Variants in ANO3 observed in about 807,000 individuals in gnomAD.
The protein encoded by ANO3 is anoctamin-3.
A neutral mutation model predicts 144.8 loss-of-function variants in ANO3; 99 were observed. That is an observed-to-expected ratio of 0.68 (90% CI 0.58 to 0.81). The LOEUF (loss-of-function observed/expected upper bound fraction) is 0.81. ANO3 is among the 30% of genes least tolerant of loss of function. The pLI, the probability that ANO3 is intolerant of heterozygous loss-of-function variation, is 0.00. For synonymous variants in ANO3, 414 were observed against 392.6 expected, an observed-to-expected ratio of 1.05 and a Z score of -0.64; for missense variants, 905 against 1,202.2, an observed-to-expected ratio of 0.75 and a Z score of 3.66.
intron 1 of ANO3, among the ~76,000 whole-genome samples, chr11:26,391,108 G>C (rs1470014225): frequency 6.6e-6 from 1 of 151,742 alleles, no homozygotes; most frequent in African/African-American, 2.4e-5. Context: ...GGACATTTAC[G>C]AATTAAAAAA....
chr11:26,369,015 T>G (rs1255743804), intron 1 of ANO3, among the ~76,000 whole-genome samples: 2 of 152,128 alleles, frequency 1.3e-5, no homozygotes, highest in Non-Finnish European at 2.9e-5. Flanking sequence ...GGCAATTTCA[T>G]TCCCCCCCAG....
intron 1 of ANO3, among the ~76,000 whole-genome samples, chr11:26,295,883 G>T (rs1854078879): frequency 6.6e-6 from 1 of 152,106 alleles, no homozygotes; most frequent in Non-Finnish European, 1.5e-5. Flanking sequence ...TCATGGAAAT[G>T]TCTCCTTTCT....
chr11:26,397,031 T>A (rs1341572537), intron 1 of ANO3, among the ~76,000 whole-genome samples: 1 of 132,560 alleles, frequency 7.5e-6, no homozygotes, highest in Non-Finnish European at 1.7e-5. Context: ...TAAAATGGAT[T>A]ATTCCCTGCA....
intron 1 of ANO3, among the ~76,000 whole-genome samples, chr11:26,367,471 A>G (rs1214464193): frequency 1.3e-5 from 2 of 151,944 alleles, no homozygotes; most frequent in East Asian, 1.9e-4. Context: ...CAACTATTTA[A>G]TCACCCTCCG....
intron 1 of ANO3, among the ~76,000 whole-genome samples, chr11:26,348,260 T>C (rs1187045376): frequency 2.0e-5 from 3 of 152,202 alleles, no homozygotes; most frequent in Non-Finnish European, 4.4e-5. Flanking sequence ...GCATAACTTA[T>C]AACCACAACA....
intron 1 of ANO3, among the ~76,000 whole-genome samples, chr11:26,268,936 T>G (rs1484229042): frequency 6.6e-6 from 1 of 152,122 alleles, no homozygotes; most frequent in Non-Finnish European, 1.5e-5. Context: ...TCACTCCACA[T>G]GTACAAATAT....
chr11:26,232,886 G>A (rs894424171), intron 1 of ANO3, among the ~76,000 whole-genome samples: 4 of 152,126 alleles, frequency 2.6e-5, no homozygotes, highest in Non-Finnish European at 5.9e-5. Flanking sequence ...CTACCCATCT[G>A]ACAAAGGGCT....
chr11:26,263,530 C>A (rs1055513015), intron 1 of ANO3, among the ~76,000 whole-genome samples: 6 of 152,204 alleles, frequency 3.9e-5, no homozygotes, highest in African/African-American at 1.4e-4. Flanking sequence ...GCTTCGCCAT[C>A]TCCTGCCTAG....
At position 26,516,944 on chromosome 11, in the gene ANO3, C is replaced by T; in HGVS notation, c.692+17C>T. The T allele has an allele frequency of 6.6e-7, 1 of 1,507,212 alleles. No individual in the cohort carries two copies. Among genetic ancestry groups the T allele is most frequent in the Non-Finnish European group, 9.2e-7 (1 of 1,087,996 alleles). The allele number at this position is 1,507,212 out of a possible 1,614,324, so 93.4% of individuals were successfully genotyped here. A position where few individuals can be genotyped will look rare whatever the true frequency, so the allele number is the denominator to read the frequency against. ...GCCCTTCAGGTACTTTCAAATTTTACTTTATTTTATCTCAATATATATTAA... is the reference window on the plus strand; with the variant it reads ...GCCCTTCAGGTACTTTCAAATTTTATTTTATTTTATCTCAATATATATTAA... On this transcript the variant is annotated intron_variant, in intron 6 of 26. Coordinates refer to ENST00000256737, the MANE Select transcript of ANO3 (RefSeq NM_031418.4).
intron 13 of ANO3, chr11:26,558,978 C>G (rs953088898): frequency 3.3e-5 from 5 of 152,032 alleles, no homozygotes; most frequent in Non-Finnish European, 7.4e-5. Flanking sequence ...TTTAATTTCT[C>G]TCACTAAGTT....
intron 4 of ANO3, among the ~76,000 whole-genome samples, chr11:26,506,956 G>A (rs1342881484): frequency 6.6e-6 from 1 of 152,234 alleles, no homozygotes; most frequent in Non-Finnish European, 1.5e-5. Flanking sequence ...TATCTCCCCA[G>A]ACATTGGAAA....
intron 1 of ANO3, among the ~76,000 whole-genome samples, chr11:26,337,813 T>G (rs1393969964): frequency 6.6e-6 from 1 of 152,086 alleles, no homozygotes; most frequent in Non-Finnish European, 1.5e-5. Context: ...CGGGCACCTG[T>G]AATCCCAGCT....
chr11:26,247,051 C>T (rs575932335), intron 1 of ANO3, among the ~76,000 whole-genome samples: 2 of 152,254 alleles, frequency 1.3e-5, no homozygotes, highest in African/African-American at 4.8e-5. Flanking sequence ...TATTTTCTTA[C>T]AGTTTTAAAT....
intron 17 of ANO3, among the ~76,000 whole-genome samples, chr11:26,618,952 A>G (rs934500386): frequency 6.6e-6 from 1 of 152,162 alleles, no homozygotes; most frequent in Non-Finnish European, 1.5e-5. Flanking sequence ...GGACATGTCA[A>G]TTATTCCTCC....
At chr11:26,629,707 C>T (rs547895973) in intron 18 of ANO3, among the ~76,000 whole-genome samples, 1 of 152,234 alleles carries the variant, frequency 6.6e-6, no homozygotes, top group African/African-American at 2.4e-5. Context: ...TCTCGACTCA[C>T]CGCAACCTCC....
intron 14 of ANO3, among the ~76,000 whole-genome samples, chr11:26,596,606 C>G (rs1191570471): frequency 6.6e-6 from 1 of 152,118 alleles, no homozygotes; most frequent in African/African-American, 2.4e-5. Flanking sequence ...CCTTAGATCC[C>G]TTTGGAGATA....
intron 14 of ANO3, among the ~76,000 whole-genome samples, chr11:26,585,890 T>C (rs1376204684): frequency 6.6e-6 from 1 of 152,190 alleles, no homozygotes; most frequent in African/African-American, 2.4e-5. Context: ...AGATTTTTAT[T>C]GACTGTTAAG....
At chr11:26,607,038 G>T (rs1052846785) in intron 17 of ANO3, among the ~76,000 whole-genome samples, 2 of 152,044 alleles carry the variant, frequency 1.3e-5, no homozygotes, top group African/African-American at 4.8e-5. Context: ...AGTATAGTTT[G>T]ACTGGATATG....
rs552296885 is a variant in ANO3, at chr11:26,534,352, C to A, written c.870-104C>A. On this transcript the variant is annotated intron_variant, in intron 8 of 26. Coordinates refer to ENST00000256737, the MANE Select transcript of ANO3 (RefSeq NM_031418.4). The stretch of plus-strand genomic sequence containing the variant: ...TTTTTTAAAGAGGATGATTTCCCTT[C>A]TGATTTACTATGCTTCATATGCATT... 3.2e-5 allele frequency: 20 copies of A among 626,884 alleles called. No homozygotes were observed. The South Asian group carries it at 6.0e-4, about 19-fold the overall frequency. 38.8% of individuals were successfully genotyped at this position (626,884 alleles called of 1,614,324 possible). A position where few individuals can be genotyped will look rare whatever the true frequency, so the allele number is the denominator to read the frequency against.
Sources: allele counts gnomAD v4.1 joint callset (sites outside exome capture counted in the v4.1 genomes callset), GRCh38; gene constraint gnomAD v4.1.1; transcripts MANE v1.5; gene names NCBI Gene and HGNC (gene_info 2026-07-23, HGNC 2026-07-21).